The following PGCKA1 variants were observed in gnomAD, a reference collection of about 807,000 sequenced individuals.
The protein encoded by PGCKA1 is PDCD10 and GCKIII kinases associated 1, also known as PDCD10 and GCKIII kinases-associated protein 1.
the PGCKA1 span, among the ~76,000 whole-genome samples, chr4:37,540,996 G>C: frequency 6.7e-6 from 1 of 149,078 alleles, no homozygotes; most frequent in Non-Finnish European, 1.5e-5. Context: ...CAAACAGCCC[G>C]TCCACTCTGT....
chr4:37,533,118 A>G, the PGCKA1 span, among the ~76,000 whole-genome samples: 2 of 134,646 alleles, frequency 1.5e-5, no homozygotes, highest in Admixed American at 7.9e-5. Context: ...AGAAATTTAA[A>G]AATTAAAACA....
the PGCKA1 span, among the ~76,000 whole-genome samples, chr4:37,510,290 C>T: frequency 6.6e-6 from 1 of 151,974 alleles, no homozygotes; most frequent in Admixed American, 6.5e-5. Context: ...GGTGTCTGGA[C>T]ATGGAAGGGT....
the PGCKA1 span, among the ~76,000 whole-genome samples, chr4:37,480,737 C>T: frequency 2.0e-5 from 3 of 152,100 alleles, no homozygotes; most frequent in African/African-American, 7.2e-5. Flanking sequence ...CATCTTCCCG[C>T]CCCAAGGGGG....
At chr4:37,536,339 CA>C in the PGCKA1 span, among the ~76,000 whole-genome samples, 1 of 151,694 alleles carries the variant, frequency 6.6e-6, no homozygotes, top group African/African-American at 2.4e-5. Context: ...TACTGTACAA[CA>C]AATTACCCCA....
At chr4:37,547,796 T>C in the PGCKA1 span, among the ~76,000 whole-genome samples, 1 of 151,988 alleles carries the variant, frequency 6.6e-6, no homozygotes, top group African/African-American at 2.4e-5. Context: ...ATACCAATTC[T>C]AAGTTAATTT....
chr4:37,469,480 A>C, the PGCKA1 span, among the ~76,000 whole-genome samples: 2 of 152,174 alleles, frequency 1.3e-5, no homozygotes, highest in African/African-American at 4.8e-5. Flanking sequence ...CCTCATTGCA[A>C]GTAGAACAGG....
chr4:37,460,004 C>T, the PGCKA1 span, among the ~76,000 whole-genome samples: 13 of 151,968 alleles, frequency 8.6e-5, no homozygotes, highest in Non-Finnish European at 1.5e-4. Flanking sequence ...GCCCTCCCTA[C>T]AGCCCCGGTG....
At chr4:37,487,507 G>A in the PGCKA1 span, among the ~76,000 whole-genome samples, 1 of 151,822 alleles carries the variant, frequency 6.6e-6, no homozygotes, top group East Asian at 1.9e-4. Context: ...ATCCTACCCT[G>A]GTATAATTTA....
the PGCKA1 span, among the ~76,000 whole-genome samples, chr4:37,459,410 C>T: frequency 5.9e-5 from 9 of 152,178 alleles, no homozygotes; most frequent in Non-Finnish European, 1.3e-4. Flanking sequence ...AAAAGATCCT[C>T]ACGTCATTTA....
the PGCKA1 span, among the ~76,000 whole-genome samples, chr4:37,456,473 GACTC>G: frequency 2.6e-5 from 4 of 152,174 alleles, no homozygotes; most frequent in East Asian, 1.9e-4. Context: ...TTAAAACTCT[GACTC>G]AGTGTTGTCA....
chr4:37,509,349 C>T, the PGCKA1 span, among the ~76,000 whole-genome samples: 4 of 141,404 alleles, frequency 2.8e-5, no homozygotes, highest in South Asian at 7.1e-4. Flanking sequence ...AGACGCTGCT[C>T]ACCTCCCACA....
At chr4:37,511,110 T>C in the PGCKA1 span, among the ~76,000 whole-genome samples, 1 of 151,982 alleles carries the variant, frequency 6.6e-6, no homozygotes, top group African/African-American at 2.4e-5. Flanking sequence ...GCAGCGGACT[T>C]TTTCTATCCC....
At chr4:37,559,577 T>C in the PGCKA1 span, among the ~76,000 whole-genome samples, 1 of 151,804 alleles carries the variant, frequency 6.6e-6, no homozygotes, top group Admixed American at 6.6e-5. Context: ...ACATGTACCC[T>C]AAAACTTAAA....
the PGCKA1 span, among the ~76,000 whole-genome samples, chr4:37,527,753 C>T: frequency 1.3e-5 from 2 of 151,868 alleles, no homozygotes; most frequent in Non-Finnish European, 2.9e-5. Flanking sequence ...TGGCAGGAAC[C>T]CAGGAGGCGG....
At chr4:37,459,154 T>A in the PGCKA1 span, among the ~76,000 whole-genome samples, 2 of 152,042 alleles carry the variant, frequency 1.3e-5, no homozygotes, top group Non-Finnish European at 1.5e-5. Flanking sequence ...GAAAAAAAAA[T>A]CAAACTTTAG....
At chr4:37,472,956 G>A in the PGCKA1 span, among the ~76,000 whole-genome samples, 1 of 152,140 alleles carries the variant, frequency 6.6e-6, no homozygotes, top group Non-Finnish European at 1.5e-5. Context: ...ATTGATTCAG[G>A]TCAACTGGCA....
the PGCKA1 span, among the ~76,000 whole-genome samples, chr4:37,513,765 G>C: frequency 6.6e-6 from 1 of 152,196 alleles, no homozygotes; most frequent in Admixed American, 6.5e-5. Context: ...TAATGGTAGG[G>C]TCAGAAATTG....
the PGCKA1 span, among the ~76,000 whole-genome samples, chr4:37,465,122 A>G: frequency 6.6e-6 from 1 of 152,204 alleles, no homozygotes; most frequent in African/African-American, 2.4e-5. Context: ...TTTCATATTT[A>G]GTATATTCTC....
chr4:37,537,794 A>G, the PGCKA1 span, among the ~76,000 whole-genome samples: 3 of 152,202 alleles, frequency 2.0e-5, no homozygotes, highest in African/African-American at 7.2e-5. Flanking sequence ...TAAACTCTGA[A>G]TTCTTTCTCC....
Sources: gnomAD v4.1 joint callset for allele counts (sites outside exome capture counted in the v4.1 genomes callset) on GRCh38, gnomAD v4.1.1 for gene constraint, MANE v1.5 for transcripts, NCBI Gene and HGNC (gene_info 2026-07-23, HGNC 2026-07-21) for gene names.